SLC25A21: variants seen among roughly 807,000 people sequenced by gnomAD.
SLC25A21 encodes mitochondrial 2-oxodicarboxylate carrier.
SLC25A21 carries 47 observed loss-of-function variants against 43.8 expected under a neutral mutation model. The ratio of observed to expected loss-of-function variants is 1.07; its 90% confidence interval spans 0.85 to 1.37. The LOEUF (loss-of-function observed/expected upper bound fraction) is 1.37, where lower values mean the gene tolerates loss of function less well. Ranked by LOEUF, SLC25A21 falls within the 40% of genes most tolerant of loss-of-function variation. The pLI, the probability that SLC25A21 is intolerant of heterozygous loss-of-function variation, is 0.00. For synonymous variants in SLC25A21, 131 were observed against 121.3 expected (o/e 1.08, Z -0.52); for missense variants, 352 against 350.2 (o/e 1.00, Z -0.04).
rs749611395 is a variant in SLC25A21 at position 36,684,780 on chromosome 14, C to T, written c.749G>A (p.Cys250Tyr). The T allele has an allele frequency of 6.2e-7, 1 of 1,610,038 alleles. No homozygotes were observed. ...PVPGEIKYRT[C>Y]FKTMATVYQE... ...ATAGACTGTTGCCATTGTTTTAAAA[C>T]AGGTTCTGTACTTGATCTCTCCAGG... Residue 250 changes from cysteine to tyrosine, a missense_variant, in exon 8 of 10, where the codon TGT (cysteine) becomes TAT (tyrosine). Transcript: ENST00000331299.
chr14:36,686,279 G>A (rs1278916938), intron 7 of SLC25A21, among the ~76,000 whole-genome samples: 1 of 152,138 alleles, frequency 6.6e-6, no homozygotes, highest in African/African-American at 2.4e-5. Context: ...AAACCAACAG[G>A]GTGTTTCAAC....
At chr14:36,886,680 A>G (rs901101887) in intron 1 of SLC25A21, among the ~76,000 whole-genome samples, 2 of 152,178 alleles carry the variant, frequency 1.3e-5, no homozygotes, top group Non-Finnish European at 2.9e-5. Flanking sequence ...AGTTTTTTTT[A>G]ACTCACACTT....
At chr14:36,912,958 T>C (rs1254343775) in intron 1 of SLC25A21, among the ~76,000 whole-genome samples, 2 of 152,168 alleles carry the variant, frequency 1.3e-5, no homozygotes, top group Admixed American at 1.3e-4. Flanking sequence ...AAAAAATGAG[T>C]TCCTTCCTCC....
intron 7 of SLC25A21, 70 bp from the exon 8 acceptor site, chr14:36,684,995 G>C: frequency 7.9e-7 from 1 of 1,268,786 alleles, no homozygotes. Context: ...ACACTATAAA[G>C]CAATATGTAT....
intron 1 of SLC25A21, among the ~76,000 whole-genome samples, chr14:36,934,638 G>A (rs982685120): frequency 5.3e-5 from 8 of 151,864 alleles, no homozygotes; most frequent in African/African-American, 1.9e-4. Context: ...GAAAGTGGTA[G>A]GATTCTGCTT....
chr14:36,917,671 T>C (rs1306060496), intron 1 of SLC25A21, among the ~76,000 whole-genome samples: 2 of 152,014 alleles, frequency 1.3e-5, no homozygotes, highest in Non-Finnish European at 2.9e-5. Flanking sequence ...GGACAAAAAA[T>C]ATAAAGTCAA....
At chr14:37,016,473 G>T (rs1291789768) in intron 1 of SLC25A21, among the ~76,000 whole-genome samples, 2 of 152,110 alleles carry the variant, frequency 1.3e-5, no homozygotes, top group Non-Finnish European at 2.9e-5. Context: ...AAGTCAGGTA[G>T]CGTGATGCCT....
intron 2 of SLC25A21, among the ~76,000 whole-genome samples, chr14:36,852,850 A>G (rs1347751319): frequency 6.6e-6 from 1 of 152,180 alleles, no homozygotes; most frequent in Admixed American, 6.5e-5. Context: ...CATACAGGAA[A>G]CACTACTAAA....
At chr14:37,170,491 C>A (rs1964104803) in intron 1 of SLC25A21, among the ~76,000 whole-genome samples, 1 of 152,148 alleles carries the variant, frequency 6.6e-6, no homozygotes, top group Admixed American at 6.5e-5. Context: ...AGTTTTCTTT[C>A]ATCAGGGTCA....
chr14:37,094,697 A>G (rs1202181771), intron 1 of SLC25A21, among the ~76,000 whole-genome samples: 1 of 151,394 alleles, frequency 6.6e-6, no homozygotes, highest in African/African-American at 2.4e-5. Flanking sequence ...TGACTAGTCC[A>G]TTTTACAGGG....
At chr14:37,045,281 A>C (rs138290673) in intron 1 of SLC25A21, among the ~76,000 whole-genome samples, 205 of 152,356 alleles carry the variant, frequency 1.3e-3, no homozygotes, top group African/African-American at 4.9e-3. Flanking sequence ...GGTATGTTTT[A>C]AATGACTACA....
At chr14:36,966,863 A>G (rs1482855341) in intron 1 of SLC25A21, among the ~76,000 whole-genome samples, 1 of 152,148 alleles carries the variant, frequency 6.6e-6, no homozygotes, top group Non-Finnish European at 1.5e-5. Flanking sequence ...CTCATTTAGC[A>G]GCCCCCGAAG....
chr14:36,801,578 C>T (rs1245932652), intron 3 of SLC25A21, among the ~76,000 whole-genome samples: 1 of 152,260 alleles, frequency 6.6e-6, no homozygotes, highest in East Asian at 1.9e-4. Flanking sequence ...TCTACAATGC[C>T]TTCAAAAGTA....
intron 2 of SLC25A21, among the ~76,000 whole-genome samples, chr14:36,818,590 T>C (rs767753492): frequency 6.6e-6 from 1 of 152,224 alleles, no homozygotes; most frequent in Non-Finnish European, 1.5e-5. Flanking sequence ...CTACTGTGTA[T>C]CTCACATACA....
At chr14:36,873,556 A>C (rs1255697266) in intron 2 of SLC25A21, among the ~76,000 whole-genome samples, 1 of 152,120 alleles carries the variant, frequency 6.6e-6, no homozygotes, top group South Asian at 2.1e-4. Flanking sequence ...TCTGCCTCCC[A>C]AAGTGCTAGG....
chr14:37,128,632 G>T (rs1963340777), intron 1 of SLC25A21, among the ~76,000 whole-genome samples: 1 of 150,756 alleles, frequency 6.6e-6, no homozygotes, highest in African/African-American at 2.4e-5. Context: ...GCCCAGGCTA[G>T]AATGTAGTGG....
chr14:36,931,837 T>G (rs1892303426), intron 1 of SLC25A21, among the ~76,000 whole-genome samples: 1 of 152,192 alleles, frequency 6.6e-6, no homozygotes, highest in Admixed American at 6.5e-5. Context: ...CTCTGAGTAC[T>G]TATGTGAATG....
intron 3 of SLC25A21, among the ~76,000 whole-genome samples, chr14:36,736,528 G>T (rs1566555641): frequency 6.6e-6 from 1 of 152,046 alleles, no homozygotes; most frequent in Non-Finnish European, 1.5e-5. Flanking sequence ...TGATTTTCTT[G>T]AACAGAAGTT....
intron 1 of SLC25A21, among the ~76,000 whole-genome samples, chr14:37,061,266 C>A (rs1961942925): frequency 6.6e-6 from 1 of 152,182 alleles, no homozygotes; most frequent in African/African-American, 2.4e-5. Flanking sequence ...TGCTATGACA[C>A]CAACGAACAG....
Sources: allele counts gnomAD v4.1 joint callset (sites outside exome capture counted in the v4.1 genomes callset), GRCh38; gene constraint gnomAD v4.1.1; transcripts MANE v1.5; gene names NCBI Gene and HGNC (gene_info 2026-07-23, HGNC 2026-07-21).